Variants in C7 observed in about 807,000 individuals in gnomAD.
C7 encodes complement C7, also known as complement component C7.
Under a neutral mutation model 104.8 loss-of-function variants are expected in C7, and 83 were observed. That is an observed-to-expected ratio of 0.79 (90% CI 0.66 to 0.95). The LOEUF (loss-of-function observed/expected upper bound fraction) is 0.95, where lower values mean the gene tolerates loss of function less well. Among genes scored for constraint, C7 ranks in the 40% least tolerant of loss-of-function variants. C7 has a pLI of 0.00. For synonymous variants in C7, 415 were observed against 360.6 expected (o/e 1.15, Z -1.71); for missense variants, 1,070 against 1,011.2 (o/e 1.06, Z -0.79).
At chr5:40,930,947 C>T in intron 2 of C7, 117 bp from the exon 3 acceptor site, 1 of 743,662 alleles carries the variant, frequency 1.3e-6, no homozygotes. Flanking sequence ...TTTAGTGTCT[C>T]TTCGGAAAAA....
intron 9 of C7, among the ~76,000 whole-genome samples, chr5:40,950,303 G>C (rs1022095434): frequency 1.3e-5 from 2 of 152,080 alleles, no homozygotes; most frequent in Admixed American, 6.6e-5. Context: ...AATACTCAAT[G>C]TTTAGTTTTC....
In C7 at chr5:40,979,825, A is replaced by C; in HGVS notation, c.2266A>C (p.Thr756Pro). 1 of 1,613,536 alleles carries C rather than the reference A, an allele frequency of 6.2e-7. No individual in the cohort carries two copies. Among genetic ancestry groups the C allele is most frequent in the South Asian group, 1.1e-5 (1 of 91,014 alleles). Residue 756 changes from threonine to proline, a missense_variant, in exon 17 of 18, where the codon ACC becomes CCC. By Grantham distance (38) the Thr-to-Pro change is conservative (BLOSUM62 -1). Transcript: ENST00000313164. ...HVLHCQGRNY[T>P]LTGRDSCTLP... ...TCTCCACTGTCAGGGTAGAAATTAC[A>C]CCCTTACTGGTAGGGACAGCTGTAC...
chr5:40,951,429 T>A (rs1343968404), intron 9 of C7, among the ~76,000 whole-genome samples: 1 of 151,994 alleles, frequency 6.6e-6, no homozygotes, highest in Non-Finnish European at 1.5e-5. Flanking sequence ...CTTATGGACA[T>A]AAAAATGGCA....
intron 1 of C7, 85 bp from the exon 2 acceptor site, chr5:40,928,495 A>G: frequency 1.3e-6 from 1 of 782,930 alleles, no homozygotes; most frequent in Non-Finnish European, 2.1e-6. Context: ...TGTACCCCAT[A>G]AATTTATACA....
chr5:40,966,515 A>G (rs1444977196), intron 14 of C7, among the ~76,000 whole-genome samples: 4 of 151,906 alleles, frequency 2.6e-5, no homozygotes, highest in South Asian at 4.2e-4. Flanking sequence ...AGTAGCTGGG[A>G]CTACAGGTGC....
chr5:40,978,040 G>A (rs920868492), intron 16 of C7, among the ~76,000 whole-genome samples: 14 of 151,552 alleles, frequency 9.2e-5, no homozygotes, highest in African/African-American at 3.4e-4. Context: ...AGACTGAGGT[G>A]GGAGGATTGC....
chr5:40,951,549 C>T (rs1304370157), intron 9 of C7, among the ~76,000 whole-genome samples: 1 of 152,146 alleles, frequency 6.6e-6, no homozygotes, highest in Non-Finnish European at 1.5e-5. Flanking sequence ...ATCAATCACA[C>T]TCCAAAGCTC....
chr5:40,960,462 C>T (rs1740399272), intron 12 of C7, among the ~76,000 whole-genome samples: 1 of 152,108 alleles, frequency 6.6e-6, no homozygotes, highest in Non-Finnish European at 1.5e-5. Flanking sequence ...TATCTCTTGA[C>T]TGAGGAAGCT....
chr5:40,933,247 T>C (rs2111586931), intron 3 of C7, among the ~76,000 whole-genome samples: 1 of 152,282 alleles, frequency 6.6e-6, no homozygotes, highest in East Asian at 1.9e-4. Context: ...GAATTCCCAC[T>C]TCTAACCCAA....
chr5:40,936,228 T>C (rs1739811486), intron 4 of C7, 110 bp from the exon 5 acceptor site: 7 of 806,954 alleles, frequency 8.7e-6, no homozygotes, highest in African/African-American at 5.2e-5. Context: ...CCCATTTACA[T>C]TGGCGTATCA....
In C7 at chr5:40,959,404, G is replaced by A. The variant is rs146717370; in HGVS notation, c.1490-45G>A. 36 of 1,555,516 alleles carry A rather than the reference G, an allele frequency of 2.3e-5. No individual in the cohort carries two copies. The East Asian group carries it at 7.3e-4, about 32-fold the overall frequency. ...AGGAAGCATAGCACTAAGTTCCCAAGCCCTCTTTAAGAACTTATTGATCAA... is the reference window on the plus strand; with the variant it reads ...AGGAAGCATAGCACTAAGTTCCCAAACCCTCTTTAAGAACTTATTGATCAA... On this transcript the variant is annotated intron_variant, in intron 11 of 17. Transcript: ENST00000313164.
At chr5:40,973,985 G>T (rs1282301308) in intron 15 of C7, among the ~76,000 whole-genome samples, 1 of 152,112 alleles carries the variant, frequency 6.6e-6, no homozygotes, top group East Asian at 1.9e-4. Context: ...AAAAATCCAA[G>T]ACTTACCAGC....
Position 40,979,856 on chromosome 5 carries a change from C to T in C7, c.2297C>T (p.Pro766Leu). ...ACTGGTAGGGACAGCTGTACTCTGC[C>T]TGCCTCAGCTGAGAAAGCTTGTGGT... ...TLTGRDSCTL[P>L]ASAEKACGAC... The change falls in exon 17 of 18, where the codon CCT becomes CTT. Residue 766 changes from proline to leucine, a missense_variant. By Grantham distance (98) the Pro-to-Leu change is moderately conservative (BLOSUM62 -3). Transcript: ENST00000313164. 2 of 1,608,356 alleles carry T rather than the reference C, an allele frequency of 1.2e-6. No homozygotes were observed.
At chr5:40,922,603 A>G (rs1739463985) in intron 1 of C7, among the ~76,000 whole-genome samples, 1 of 150,668 alleles carries the variant, frequency 6.6e-6, no homozygotes, top group South Asian at 2.1e-4. Flanking sequence ...AAGGAGGCTG[A>G]GGCAGGAGAA....
At chr5:40,929,706 T>A (rs1486213612) in intron 2 of C7, among the ~76,000 whole-genome samples, 1 of 152,250 alleles carries the variant, frequency 6.6e-6, no homozygotes, top group Non-Finnish European at 1.5e-5. Flanking sequence ...CTTTTCCATA[T>A]GACATGGCCA....
At chr5:40,911,005 C>T (rs1344380409) in intron 1 of C7, 1 of 151,984 alleles carries the variant, frequency 6.6e-6, no homozygotes, top group Non-Finnish European at 1.5e-5. Flanking sequence ...TACTTCTATC[C>T]TTTAATTAGT....
At chr5:40,937,523 C>T (rs981758954) in intron 5 of C7, 29 bp from the exon 6 acceptor site, 59 of 1,545,588 alleles carry the variant, frequency 3.8e-5, no homozygotes, top group Non-Finnish European at 5.0e-5. Context: ...CTTTTTATTT[C>T]CTCCTTCTCC....
intron 17 of C7, 80 bp downstream of exon 17, chr5:40,979,989 T>G: frequency 7.9e-7 from 1 of 1,260,922 alleles, no homozygotes; most frequent in Non-Finnish European, 1.1e-6. Flanking sequence ...GTTTCTAGTT[T>G]AGCAGTGGGC....
At position 40,947,714 on chromosome 5, in the gene C7, C is replaced by A; in HGVS notation, c.851C>A (p.Pro284His). 6.2e-7 allele frequency: 1 copy of A among 1,613,742 alleles called. No homozygotes were observed. Among genetic ancestry groups the A allele is most frequent in the Non-Finnish European group, 8.5e-7 (1 of 1,179,774 alleles). The change falls in exon 8 of 18, where the codon CCC (proline) becomes CAC (histidine). Residue 284 changes from proline (P) to histidine (H), a missense_variant. Pro to His is a moderately conservative substitution (Grantham distance 77). Transcript: ENST00000313164. ...TTCTGGAAGGAGCTTTCCCACCTCCCCTCTCTGTATGACTACAGTGCCTAC... is the reference window on the plus strand; with the variant it reads ...TTCTGGAAGGAGCTTTCCCACCTCCACTCTCTGTATGACTACAGTGCCTAC... ...EPFWKELSHL[P>H]SLYDYSAYRR...
Sources: allele counts gnomAD v4.1 joint callset (sites outside exome capture counted in the v4.1 genomes callset), GRCh38; gene constraint gnomAD v4.1.1; transcripts MANE v1.5; gene names NCBI Gene and HGNC (gene_info 2026-07-23, HGNC 2026-07-21).